GRM8: variants seen among roughly 807,000 people sequenced by gnomAD.
GRM8 encodes glutamate metabotropic receptor 8.
A neutral mutation model predicts 87.2 loss-of-function variants in GRM8; 47 were observed. That is an observed-to-expected ratio of 0.54 (90% CI 0.43 to 0.69). The LOEUF is 0.69. Ranked by LOEUF, GRM8 falls within the 30% of genes least tolerant of loss-of-function variation. The probability of loss-of-function intolerance (pLI) is 0.00; values close to 1 mark genes in which losing one functional copy is unlikely to be tolerated. For missense variants in GRM8, 1,019 were observed against 1,139.2 expected, an observed-to-expected ratio of 0.89 and a Z score of 1.52; for synonymous variants, 396 against 404.5, an observed-to-expected ratio of 0.98 and a Z score of 0.25.
chr7:127,212,668 C>T (rs1207149032), intron 2 of GRM8, among the ~76,000 whole-genome samples: 2 of 152,202 alleles, frequency 1.3e-5, no homozygotes, highest in African/African-American at 4.8e-5. Flanking sequence ...CCGCCCGCCT[C>T]GGCCTCCCAA....
chr7:127,109,896 C>G (rs1826189827), intron 2 of GRM8, among the ~76,000 whole-genome samples: 1 of 152,148 alleles, frequency 6.6e-6, no homozygotes, highest in South Asian at 2.1e-4. Context: ...CCCTATCCTG[C>G]CAAAGACCCT....
At chr7:126,801,096 A>G (rs1184800384) in intron 6 of GRM8, among the ~76,000 whole-genome samples, 2 of 152,168 alleles carry the variant, frequency 1.3e-5, no homozygotes, top group African/African-American at 4.8e-5. Flanking sequence ...CAATATGCAT[A>G]CGAAAAGTGT....
intron 7 of GRM8, among the ~76,000 whole-genome samples, chr7:126,646,409 CAA>C (rs944967243): frequency 6.6e-6 from 1 of 152,140 alleles, no homozygotes; most frequent in East Asian, 1.9e-4. Context: ...CCAAAGGTCT[CAA>C]AAAAGTTACC....
At chr7:126,539,283 A>G (rs958242472) in intron 8 of GRM8, among the ~76,000 whole-genome samples, 7 of 151,150 alleles carry the variant, frequency 4.6e-5, no homozygotes, top group African/African-American at 1.7e-4. Flanking sequence ...AAAAAAAGTG[A>G]AAAAAAAAGT....
intron 3 of GRM8, among the ~76,000 whole-genome samples, chr7:126,994,050 C>A (rs10435288): frequency 0.11 from 16,838 of 152,146 alleles, 1,019 homozygotes; most frequent in East Asian, 0.22. Context: ...CAACCACAGG[C>A]AGGAAAGCTT....
intron 7 of GRM8, among the ~76,000 whole-genome samples, chr7:126,746,478 T>A (rs1585759755): frequency 6.6e-6 from 1 of 151,718 alleles, no homozygotes; most frequent in East Asian, 1.9e-4. Context: ...AAGTTAAAAA[T>A]TTTTATAATT....
At chr7:126,731,442 A>G (rs778625616) in intron 7 of GRM8, among the ~76,000 whole-genome samples, 1 of 152,110 alleles carries the variant, frequency 6.6e-6, no homozygotes, top group African/African-American at 2.4e-5. Context: ...TTTAATTTCT[A>G]AATTTTCTAG....
At chr7:126,718,102 T>C (rs1028338585) in intron 7 of GRM8, among the ~76,000 whole-genome samples, 1 of 150,654 alleles carries the variant, frequency 6.6e-6, no homozygotes, top group Non-Finnish European at 1.5e-5. Flanking sequence ...CAGGGCGTGG[T>C]GGCAGGCGCC....
intron 7 of GRM8, among the ~76,000 whole-genome samples, chr7:126,683,621 G>A (rs186844199): frequency 6.6e-6 from 1 of 151,978 alleles, no homozygotes; most frequent in Non-Finnish European, 1.5e-5. Context: ...CTTACTGAAG[G>A]TCAAGTATAT....
intron 3 of GRM8, among the ~76,000 whole-genome samples, chr7:126,934,358 T>C (rs924007670): frequency 6.6e-6 from 1 of 152,188 alleles, no homozygotes; most frequent in Non-Finnish European, 1.5e-5. Flanking sequence ...CTTTTTAAAA[T>C]TGATTTTAAT....
intron 3 of GRM8, among the ~76,000 whole-genome samples, chr7:126,943,075 G>A (rs1033932361): frequency 6.6e-6 from 1 of 152,104 alleles, no homozygotes; most frequent in Admixed American, 6.5e-5. Flanking sequence ...AAAGCTGCTG[G>A]GCCTTTGGCT....
At chr7:126,906,699 A>C (rs58109849) in intron 3 of GRM8, among the ~76,000 whole-genome samples, 4,414 of 152,272 alleles carry the variant, frequency 0.029, 214 homozygotes, top group African/African-American at 0.1. Flanking sequence ...CAGCAGATGT[A>C]TGAGTAACTG....
chr7:126,982,344 G>A (rs1811623689), intron 3 of GRM8, among the ~76,000 whole-genome samples: 1 of 152,098 alleles, frequency 6.6e-6, no homozygotes, highest in Non-Finnish European at 1.5e-5. Flanking sequence ...ACACACCCAG[G>A]ATCAATACTT....
intron 3 of GRM8, among the ~76,000 whole-genome samples, chr7:127,101,982 A>C (rs1825322890): frequency 6.6e-6 from 1 of 152,216 alleles, no homozygotes; most frequent in Non-Finnish European, 1.5e-5. Flanking sequence ...GATGGAAATG[A>C]GGGACTTACT....
chr7:126,642,041 G>A (rs746747297), intron 7 of GRM8, among the ~76,000 whole-genome samples: 93 of 152,306 alleles, frequency 6.1e-4, no homozygotes, highest in Non-Finnish European at 1.1e-3. Flanking sequence ...TACAAAATGA[G>A]TAGATATTGG....
At chr7:126,801,165 A>T (rs1042109282) in intron 6 of GRM8, among the ~76,000 whole-genome samples, 1 of 152,192 alleles carries the variant, frequency 6.6e-6, no homozygotes, top group Non-Finnish European at 1.5e-5. Flanking sequence ...CCTATTTTTC[A>T]CCTACTAATG....
At chr7:126,646,282 G>GGAAA (rs1652039348) in intron 7 of GRM8, among the ~76,000 whole-genome samples, 1 of 73,492 alleles carries the variant, frequency 1.4e-5, no homozygotes, top group African/African-American at 3.4e-5. Context: ...AAGGAAGGAA[G>GGAAA]GAAGGAAGGA....
intron 6 of GRM8, 89 bp from the exon 7 acceptor site, chr7:126,770,154 C>T (rs1395990529): frequency 8.5e-6 from 7 of 828,328 alleles, no homozygotes; most frequent in Non-Finnish European, 1.4e-5. Context: ...ATTTGAGGAA[C>T]ACTTAATGAG....
intron 8 of GRM8, among the ~76,000 whole-genome samples, chr7:126,559,569 T>C (rs1235195381): frequency 1.3e-5 from 2 of 152,232 alleles, no homozygotes; most frequent in Non-Finnish European, 2.9e-5. Flanking sequence ...TTGTGCTGGA[T>C]AATTCTTGAA....
Sources: allele counts gnomAD v4.1 joint callset (sites outside exome capture counted in the v4.1 genomes callset), GRCh38; gene constraint gnomAD v4.1.1; transcripts MANE v1.5; gene names NCBI Gene and HGNC (gene_info 2026-07-23, HGNC 2026-07-21).